Variants in DYSF observed in about 807,000 individuals in gnomAD.
DYSF encodes the protein dystrophy-associated fer-1-like 1.
DYSF carries 212 observed loss-of-function variants against 274.9 expected under a neutral mutation model. The observed-to-expected ratio is 0.77, with a 90% CI of 0.69 to 0.86. The LOEUF (loss-of-function observed/expected upper bound fraction) is 0.86. Among genes scored for constraint, DYSF ranks in the 40% least tolerant of loss-of-function variants. The pLI, the probability that DYSF is intolerant of heterozygous loss-of-function variation, is 0.00. For synonymous variants in DYSF, 1,091 were observed against 1,078.7 expected (o/e 1.01, Z -0.22); for missense variants, 2,666 against 2,783.2 (o/e 0.96, Z 0.95).
chr2:71,539,923 T>C (rs1453098159), intron 17 of DYSF, among the ~76,000 whole-genome samples: 1 of 152,206 alleles, frequency 6.6e-6, no homozygotes, highest in Non-Finnish European at 1.5e-5. Context: ...TTCCATTATG[T>C]GAATGTATCA....
chr2:71,683,716 G>A (rs1462758574), intron 55 of DYSF, among the ~76,000 whole-genome samples: 2 of 152,188 alleles, frequency 1.3e-5, no homozygotes, highest in African/African-American at 4.8e-5. Flanking sequence ...CCTCAGTCCT[G>A]GTCAGCACCA....
intron 48 of DYSF, 123 bp downstream of exon 48, chr2:71,667,638 C>T: frequency 6.9e-7 from 1 of 1,451,154 alleles, no homozygotes; most frequent in Non-Finnish European, 9.4e-7. Context: ...CTTCCTTGAC[C>T]CATTTCTTCA....
chr2:71,456,273 C>G (rs1034474001), intron 1 of DYSF, among the ~76,000 whole-genome samples: 34 of 152,210 alleles, frequency 2.2e-4, no homozygotes, highest in Admixed American at 1.4e-3. Flanking sequence ...CTGGAGCCCC[C>G]ACCCCTGGTC....
At chr2:71,540,968 C>A (rs367917840) in intron 17 of DYSF, among the ~76,000 whole-genome samples, 9 of 152,180 alleles carry the variant, frequency 5.9e-5, no homozygotes, top group African/African-American at 2.2e-4. Context: ...CAAAATTGTT[C>A]TTTGGTGATA....
chr2:71,512,126 G>A (rs1359770115), intron 5 of DYSF, among the ~76,000 whole-genome samples: 1 of 152,226 alleles, frequency 6.6e-6, no homozygotes, highest in Non-Finnish European at 1.5e-5. Flanking sequence ...AGGGGCAGCA[G>A]GCACGTTCCC....
At position 71,637,593 on chromosome 2, in the gene DYSF, C is replaced by T. The variant is rs143413653; in HGVS notation, c.4528-6372C>T. The stretch of plus-strand genomic sequence containing the variant: ...GGCACTGGGGCTCCTTGAAGCTGTG[C>T]CAGGAACTTGGTGTGAGACCCAGCA... On this transcript the variant is annotated intron_variant, in intron 41 of 55. Coordinates refer to ENST00000410020, the MANE Select transcript of DYSF (RefSeq NM_001130987.2). Among the ~76,000 whole-genome samples the T allele has an allele frequency of 5.3e-3, 812 of 152,230 alleles. 6 individuals carry two copies. The Middle Eastern group carries it at 0.054, about 10-fold the overall frequency.
intron 1 of DYSF, among the ~76,000 whole-genome samples, chr2:71,459,810 G>A (rs1193746873): frequency 6.6e-6 from 1 of 152,126 alleles, no homozygotes; most frequent in Non-Finnish European, 1.5e-5. Context: ...GGCTCATCAG[G>A]CAGCACCTGT....
chr2:71,602,571 G>A (rs1295222925), intron 35 of DYSF: 9 of 554,950 alleles, frequency 1.6e-5, no homozygotes, highest in Non-Finnish European at 6.6e-6. Context: ...TTCTTTCCCA[G>A]GGACCACTTT....
intron 48 of DYSF, 63 bp from the exon 49 acceptor site, chr2:71,668,691 A>G: frequency 2.0e-6 from 3 of 1,506,798 alleles, no homozygotes. Context: ...GGCCCAGAGC[A>G]GGTGCTTGGT....
intron 41 of DYSF, among the ~76,000 whole-genome samples, chr2:71,638,437 T>C (rs1239931282): frequency 6.6e-6 from 1 of 151,712 alleles, no homozygotes; most frequent in Non-Finnish European, 1.5e-5. Context: ...TATTTTTCCA[T>C]GACAGATTAG....
chr2:71,564,349 TG>T, intron 24 of DYSF, 136 bp downstream of exon 24: 1 of 1,266,612 alleles, frequency 7.9e-7, no homozygotes, highest in Non-Finnish European at 1.1e-6. Flanking sequence ...AAGAGGTCTT[TG>T]GGTAAAACAA....
upstream of DYSF, among the ~76,000 whole-genome samples, chr2:71,462,527 G>A (rs1014536246): frequency 6.6e-6 from 1 of 152,200 alleles, no homozygotes; most frequent in African/African-American, 2.4e-5. Context: ...AGCCTTGTTT[G>A]TCTTACAGCT....
chr2:71,635,093 G>A (rs2094377153), intron 41 of DYSF, among the ~76,000 whole-genome samples: 1 of 152,152 alleles, frequency 6.6e-6, no homozygotes, highest in African/African-American at 2.4e-5. Flanking sequence ...GGTGGCTGCT[G>A]CTGCCTGGAC....
At position 71,520,261 on chromosome 2, in the gene DYSF, T is replaced by C. The variant is rs374320199; in HGVS notation, c.1033+53T>C. 2.8e-4 allele frequency: 448 copies of C among 1,594,120 alleles called. No individual in the cohort carries two copies. In the African/African-American group the frequency reaches 3.6e-3, roughly 13 times the overall value. ...CTTGCATTTTGGTTCTGGAGGCTGA[T>C]TGGGGACACTCATTTGGGGTCCTCA... On this transcript the variant is annotated intron_variant, in intron 11 of 55. Transcript: ENST00000410020.
chr2:71,637,356 G>C (rs2094421061), intron 41 of DYSF, among the ~76,000 whole-genome samples: 1 of 152,210 alleles, frequency 6.6e-6, no homozygotes. Context: ...CACAGGAGCA[G>C]AAGGGAAGGT....
chr2:71,525,986 A>C (rs1370945563), intron 12 of DYSF, among the ~76,000 whole-genome samples: 1 of 152,148 alleles, frequency 6.6e-6, no homozygotes, highest in Admixed American at 6.5e-5. Context: ...ATTACTGGAG[A>C]TGTTCCTCGC....
intron 42 of DYSF, among the ~76,000 whole-genome samples, chr2:71,645,783 A>T (rs2094558786): frequency 6.6e-6 from 1 of 152,002 alleles, no homozygotes; most frequent in Non-Finnish European, 1.5e-5. Context: ...CACTTACTAA[A>T]TCTGGCAACA....
At position 71,571,028 on chromosome 2, in the gene DYSF, A is replaced by ACACACAGATCACACCCAG. The variant is rs1370441318; in HGVS notation, c.3228+296_3228+297insCACACCCAGCACACAGAT. 2,596 of 454,478 alleles carry ACACACAGATCACACCCAG rather than the reference A, an allele frequency of 5.7e-3. 41 individuals carry two copies. Among genetic ancestry groups the ACACACAGATCACACCCAG allele is most frequent in the African/African-American group, 0.016 (708 of 43,452 alleles). The allele number at this position is 454,478 out of a possible 1,614,324, so 28.2% of individuals were successfully genotyped here. A position where few individuals can be genotyped will look rare whatever the true frequency, so the allele number is the denominator to read the frequency against. ...AACACCCACAGATCACACTCAGCAC[A>ACACACAGATCACACCCAG]CACACAGATTACACCCAGCACACAC... On this transcript the variant is annotated intron_variant, in intron 29 of 55. Transcript: ENST00000410020.
chr2:71,607,842 G>A (rs192691964), intron 36 of DYSF, among the ~76,000 whole-genome samples: 3 of 152,316 alleles, frequency 2.0e-5, no homozygotes, highest in African/African-American at 7.2e-5. Context: ...GACAAGTTCA[G>A]TGTGAGAGGC....
Sources: gnomAD v4.1 joint callset for allele counts (sites outside exome capture counted in the v4.1 genomes callset) on GRCh38, gnomAD v4.1.1 for gene constraint, MANE v1.5 for transcripts, NCBI Gene and HGNC (gene_info 2026-07-23, HGNC 2026-07-21) for gene names.